The following METTL21C variants were observed in gnomAD, a reference collection of about 807,000 sequenced individuals.
METTL21C encodes the protein protein-lysine methyltransferase METTL21C.
METTL21C carries 21 observed loss-of-function variants against 25.9 expected under a neutral mutation model. The ratio of observed to expected loss-of-function variants is 0.81; its 90% CI spans 0.58 to 1.17. The LOEUF (loss-of-function observed/expected upper bound fraction) is 1.17, where lower values mean the gene tolerates loss of function less well. Among genes scored for constraint, METTL21C ranks in the 50% most tolerant of loss-of-function variants. The pLI is 0.00. For synonymous variants in METTL21C, 125 were observed against 124.7 expected (o/e 1.00, Z -0.01); for missense variants, 312 against 315.1 (o/e 0.99, Z 0.07).
chr13:102,693,186 G>C (rs545313079), intron 1 of METTL21C, among the ~76,000 whole-genome samples: 87 of 152,274 alleles, frequency 5.7e-4, no homozygotes, highest in Non-Finnish European at 1.1e-3. Flanking sequence ...CGAGAGCATA[G>C]ATATTAGGAA....
upstream of METTL21C, among the ~76,000 whole-genome samples, chr13:102,698,048 A>G (rs529236725): frequency 6.6e-6 from 1 of 152,356 alleles, no homozygotes; most frequent in Admixed American, 6.5e-5. Context: ...TATCTGCTAC[A>G]GCTTCATAAG....
intron 2 of METTL21C, 108 bp from the exon 3 acceptor site, chr13:102,687,165 T>C: frequency 1.3e-6 from 1 of 792,062 alleles, no homozygotes; most frequent in Non-Finnish European, 2.1e-6. Flanking sequence ...ATTACATATG[T>C]TCAGTTTATA....
rs1302386242 is a variant in METTL21C at position 102,686,251 on chromosome 13, G to A, written c.575C>T (p.Ala192Val). ...GTAGTGATGGTAGACCACATCTGAG[G>A]CTAGGACGTAATCATAGTAAAAAGC... is the stretch of plus-strand genomic sequence containing the variant. ...KSAFYYDYVL[A>V]SDVVYHHYFL... is the part of the protein sequence containing the mutation. The change falls in exon 4 of 4, where the codon GCC becomes GTC. Residue 192 changes from alanine to valine, a missense_variant. Physicochemically the swap from Ala to Val is moderately conservative, Grantham distance 64. Transcript: ENST00000267273. 1.2e-6 allele frequency: 2 copies of A among 1,614,174 alleles called. No homozygotes were observed. The highest frequency in any genetic ancestry group is 1.7e-6 in the Non-Finnish European group (2 of 1,180,022).
At chr13:102,693,602 A>C (rs544703600) in intron 1 of METTL21C, among the ~76,000 whole-genome samples, 1 of 152,340 alleles carries the variant, frequency 6.6e-6, no homozygotes, top group Admixed American at 6.5e-5. Context: ...TGACAGCTGC[A>C]CTTTTCCAAT....
chr13:102,693,414 T>C (rs1707097087), intron 1 of METTL21C, among the ~76,000 whole-genome samples: 1 of 152,200 alleles, frequency 6.6e-6, no homozygotes, highest in Admixed American at 6.5e-5. Flanking sequence ...ATCAGGGACC[T>C]GTACCAGCCC....
At chr13:102,702,279 G>T in the METTL21C span, among the ~76,000 whole-genome samples, 1 of 151,842 alleles carries the variant, frequency 6.6e-6, no homozygotes, top group Admixed American at 6.6e-5. Context: ...TCCACTGAAA[G>T]CCCACATTAA....
upstream of METTL21C, among the ~76,000 whole-genome samples, chr13:102,695,382 G>T (rs193146293): frequency 1.3e-5 from 2 of 152,274 alleles, no homozygotes; most frequent in East Asian, 1.9e-4. Context: ...TGAAATAAGG[G>T]ATAGTCAAAA....
At chr13:102,688,327 G>T (rs1885731279) in intron 2 of METTL21C, among the ~76,000 whole-genome samples, 1 of 152,208 alleles carries the variant, frequency 6.6e-6, no homozygotes, top group South Asian at 2.1e-4. Flanking sequence ...AGATGAATAT[G>T]ACGCAGTCAC....
At chr13:102,700,911 C>T in the METTL21C span, among the ~76,000 whole-genome samples, 70 of 151,862 alleles carry the variant, frequency 4.6e-4, no homozygotes, top group Admixed American at 1.2e-3. Context: ...CTTTCCATAG[C>T]GCCGTCCGCT....
At chr13:102,702,676 C>T in the METTL21C span, among the ~76,000 whole-genome samples, 3 of 152,030 alleles carry the variant, frequency 2.0e-5, no homozygotes, top group Non-Finnish European at 4.4e-5. Flanking sequence ...CAGCAACCTC[C>T]GCTTCCTGGG....
At chr13:102,698,035 C>A (rs1885973788), upstream of METTL21C, among the ~76,000 whole-genome samples, 2 of 152,200 alleles carry the variant, frequency 1.3e-5, no homozygotes, top group African/African-American at 4.8e-5. Context: ...GAGGCCAGGA[C>A]AGTATCTGCT....
In METTL21C at chr13:102,694,404, G is replaced by GC; in HGVS notation, c.94dup (p.Ala32GlyfsTer23). 1 of 1,493,532 alleles carries GC rather than the reference G, an allele frequency of 6.7e-7. No individual in the cohort carries two copies. The highest frequency in any genetic ancestry group is 1.1e-5 in the South Asian group (1 of 87,378). 92.5% of individuals were successfully genotyped at this position (1,493,532 alleles called of 1,614,324 possible). A position where few individuals can be genotyped will look rare whatever the true frequency, so the allele number is the denominator to read the frequency against. On this transcript the variant is annotated frameshift_variant, in exon 1 of 4. Coordinates refer to ENST00000267273, the MANE Select transcript of METTL21C (RefSeq NM_001010977.3). LOFTEE classifies it high-confidence loss of function. ...TCCCCCGGTGCTGTCTTTCTGCGGA[G>GC]CCCCCTTCTTCTCAGCCTCTAACCA...
intron 2 of METTL21C, among the ~76,000 whole-genome samples, chr13:102,690,282 A>C (rs1360071172): frequency 2.6e-5 from 4 of 152,058 alleles, no homozygotes; most frequent in Non-Finnish European, 5.9e-5. Context: ...TTAGCCAGGC[A>C]TGGTGGCGCG....
At chr13:102,696,061 C>G (rs1008825785), upstream of METTL21C, among the ~76,000 whole-genome samples, 1 of 148,744 alleles carries the variant, frequency 6.7e-6, no homozygotes, top group East Asian at 2.0e-4. Context: ...ACCTCACCAA[C>G]TTTTTTTTTT....
chr13:102,692,069 T>C (rs1010790761), intron 1 of METTL21C, among the ~76,000 whole-genome samples: 7 of 152,152 alleles, frequency 4.6e-5, no homozygotes, highest in Non-Finnish European at 8.8e-5. Context: ...AGGTCAGTTT[T>C]GTTTGCACGA....
chr13:102,687,729 C>G (rs555067484), intron 2 of METTL21C, among the ~76,000 whole-genome samples: 2 of 152,278 alleles, frequency 1.3e-5, no homozygotes, highest in African/African-American at 4.8e-5. Context: ...TCTAAACAAG[C>G]CCTGACATGA....
At chr13:102,686,500 A>G in intron 3 of METTL21C, 75 bp from the exon 4 acceptor site, 1 of 1,487,022 alleles carries the variant, frequency 6.7e-7, no homozygotes, top group Non-Finnish European at 9.0e-7. Context: ...GAGAAACACA[A>G]GAAACAACTG....
chr13:102,692,626 C>A (rs1274420385), intron 1 of METTL21C, among the ~76,000 whole-genome samples: 1 of 152,158 alleles, frequency 6.6e-6, no homozygotes, highest in African/African-American at 2.4e-5. Flanking sequence ...TGGGTGCCTT[C>A]AGTTCTTCAG....
chr13:102,699,765 G>A (rs1434055881), upstream of METTL21C, among the ~76,000 whole-genome samples: 1 of 152,106 alleles, frequency 6.6e-6, no homozygotes, highest in Non-Finnish European at 1.5e-5. Flanking sequence ...CCAAATGTCA[G>A]AATCCTGTCT....
Sources: gnomAD v4.1 joint callset for allele counts (sites outside exome capture counted in the v4.1 genomes callset) on GRCh38, gnomAD v4.1.1 for gene constraint, MANE v1.5 for transcripts, NCBI Gene and HGNC (gene_info 2026-07-23, HGNC 2026-07-21) for gene names.